USP7: variants seen among roughly 807,000 people sequenced by gnomAD.
USP7 encodes the protein ubiquitin C-terminal hydrolase 7.
A neutral mutation model predicts 162.9 loss-of-function variants in USP7; 9 were observed. The observed-to-expected ratio is 0.06, with a 90% CI of 0.03 to 0.10. USP7 has a LOEUF of 0.10. Among genes scored for constraint, USP7 ranks in the 10% least tolerant of loss-of-function variants. The pLI, the probability that USP7 is intolerant of heterozygous loss-of-function variation, is 1.00. For synonymous variants in USP7, 562 were observed against 475.9 expected, an observed-to-expected ratio of 1.18 and a Z score of -2.35; for missense variants, 715 against 1,373.7, an observed-to-expected ratio of 0.52 and a Z score of 7.58.
At position 8,904,582 on chromosome 16, in the gene USP7, T is replaced by A. The variant is rs758874521; in HGVS notation, c.1574-17A>T. ...AAACTTCACCTGCAGGACAAAGGCA[T>A]CCTCTTTGACCCCTGCAGATGGACT... On this transcript the variant is annotated splice_polypyrimidine_tract_variant and intron_variant, in intron 14 of 30. Transcript: ENST00000344836. 2.1e-5 allele frequency: 34 copies of A among 1,613,096 alleles called. No individual in the cohort carries two copies. In the Admixed American group the frequency reaches 2.5e-4, roughly 12 times the overall value.
Position 8,905,175 on chromosome 16 carries a change from A to C in USP7, c.1573+12T>G, listed in dbSNP as rs780607227. 1 of 1,612,782 alleles carries C rather than the reference A, an allele frequency of 6.2e-7. No homozygotes were observed. The highest frequency in any genetic ancestry group is 8.5e-7 in the Non-Finnish European group (1 of 1,178,758). Reference sequence around the variant, plus strand: ...CACAGTAAAGAACAGAACAAAAGTGAACACTACTCACTCAGTTTTGATTCC... The same window carrying C: ...CACAGTAAAGAACAGAACAAAAGTGCACACTACTCACTCAGTTTTGATTCC... On this transcript the variant is annotated intron_variant, in intron 14 of 30. Coordinates refer to ENST00000344836, the MANE Select transcript of USP7 (RefSeq NM_003470.3).
At chr16:8,926,788 G>A (rs533073508) in intron 2 of USP7, among the ~76,000 whole-genome samples, 1 of 152,306 alleles carries the variant, frequency 6.6e-6, no homozygotes, top group African/African-American at 2.4e-5. Flanking sequence ...ATTACCGCAT[G>A]CTTCTTTTTA....
intron 1 of USP7, among the ~76,000 whole-genome samples, chr16:8,959,367 A>C (rs1403636041): frequency 6.6e-6 from 1 of 152,082 alleles, no homozygotes; most frequent in Non-Finnish European, 1.5e-5. Context: ...AAAAAAAAAA[A>C]AAAGGATACC....
intron 4 of USP7, 30 bp downstream of exon 4, chr16:8,921,127 A>G (rs1168747171): frequency 1.2e-6 from 2 of 1,609,290 alleles, no homozygotes; most frequent in African/African-American, 2.7e-5. Context: ...TAATGCACCA[A>G]TTGTTCAGAC....
At chr16:8,903,825 C>T (rs1405764752) in intron 15 of USP7, among the ~76,000 whole-genome samples, 2 of 150,900 alleles carry the variant, frequency 1.3e-5, no homozygotes. Flanking sequence ...AGAGATCGCG[C>T]CACTGCACTC....
At chr16:8,898,973 T>C (rs2061731875) in intron 23 of USP7, 148 bp downstream of exon 23, 2 of 837,824 alleles carry the variant, frequency 2.4e-6, no homozygotes, top group African/African-American at 1.7e-5. Flanking sequence ...GTGGTCAAGA[T>C]GTGAGTGGTG....
Position 8,896,984 on chromosome 16 carries a change from T to TC in USP7, c.2819+14dup. 1 of 1,605,902 alleles carries TC rather than the reference T, an allele frequency of 6.2e-7. No homozygotes were observed. On this transcript the variant is annotated intron_variant, in intron 26 of 30. Coordinates refer to ENST00000344836, the MANE Select transcript of USP7 (RefSeq NM_003470.3). ...CCTAACTGAACGTCCACAATTGGGC[T>TC]CAAGAAATACTTGCCTAAGTTTCCC...
chr16:8,897,726 A>ATAT (rs61280114), intron 25 of USP7, among the ~76,000 whole-genome samples: 2 of 7,134 alleles, frequency 2.8e-4, no homozygotes, highest in Non-Finnish European at 4.7e-4. Flanking sequence ...AAAAAAAAAA[A>ATAT]ATATATATAT....
chr16:8,917,220 A>G, intron 6 of USP7, 64 bp from the exon 7 acceptor site: 1 of 1,523,650 alleles, frequency 6.6e-7, no homozygotes, highest in Non-Finnish European at 8.8e-7. Context: ...AAAAAACAGT[A>G]AGAATTTAAT....
chr16:8,897,698 CAAAAA>C lies in USP7; in HGVS notation c.2719-604_2719-600del, dbSNP rs55635828. ...GCAATATAGTGAGACCCTGTCTCTA[CAAAAA>C]AAAAAAAAAAAAAAAAAAAAAAAAT... On this transcript the variant is annotated intron_variant, in intron 25 of 30. Transcript: ENST00000344836. Among the ~76,000 whole-genome samples the C allele has an allele frequency of 1.5e-3, 52 of 35,600 alleles. 6 individuals carry two copies. The highest frequency in any genetic ancestry group is 5.2e-3 in the South Asian group (3 of 582). The allele number at this position is 35,600 out of a possible 152,430, so 23.4% of individuals were successfully genotyped here.
chr16:8,937,260 C>A (rs1368541642), intron 1 of USP7, among the ~76,000 whole-genome samples: 1 of 151,970 alleles, frequency 6.6e-6, no homozygotes, highest in Non-Finnish European at 1.5e-5. Context: ...GACAAGCAAT[C>A]TGGGCCAGGC....
At chr16:8,924,487 G>A (rs767305810) in intron 2 of USP7, among the ~76,000 whole-genome samples, 3 of 152,190 alleles carry the variant, frequency 2.0e-5, no homozygotes, top group Non-Finnish European at 4.4e-5. Context: ...GGCTGTTCCC[G>A]GCTTAGAATC....
intron 27 of USP7, among the ~76,000 whole-genome samples, chr16:8,895,436 G>A (rs932095518): frequency 2.0e-5 from 3 of 152,190 alleles, no homozygotes; most frequent in African/African-American, 4.8e-5. Context: ...GTGATCCACA[G>A]TTTCTGTCTG....
chr16:8,893,878 TA>T lies in USP7; in HGVS notation c.*119del. The stretch of plus-strand genomic sequence containing the variant: ...CTGAACAGCCTCAATAAAATAAAAT[TA>T]ACACCAGCAGCGAATCCTCTTGCTG... On this transcript the variant is annotated 3_prime_UTR_variant, in exon 31 of 31. Transcript: ENST00000344836. The T allele has an allele frequency of 2.4e-6, 2 of 847,232 alleles. No homozygotes were observed. Among genetic ancestry groups the T allele is most frequent in the Non-Finnish European group, 3.9e-6 (2 of 511,634 alleles). 52.5% of individuals were successfully genotyped at this position (847,232 alleles called of 1,614,324 possible).
rs558833118 is a variant in USP7 at position 8,922,009 on chromosome 16, G to A, written c.384-714C>T. ...CCCACAGCACTTCCTGCTTGCTCGG[G>A]ACGCTGACACTGGGTATGGACCATT... On this transcript the variant is annotated intron_variant, in intron 3 of 30. Coordinates refer to ENST00000344836, the MANE Select transcript of USP7 (RefSeq NM_003470.3). Among the ~76,000 whole-genome samples, 147 of 152,306 alleles carry A rather than the reference G, an allele frequency of 9.7e-4. 1 individual carries two copies. The highest frequency in any genetic ancestry group is 3.4e-3 in the Middle Eastern group (1 of 294).
At chr16:8,913,575 T>A (rs536260200) in intron 10 of USP7, among the ~76,000 whole-genome samples, 1 of 152,072 alleles carries the variant, frequency 6.6e-6, no homozygotes, top group African/African-American at 2.4e-5. Flanking sequence ...AAAATGTCTT[T>A]CACAACTGCA....
At chr16:8,929,530 GC>G (rs1898198515) in intron 2 of USP7, 1 of 455,844 alleles carries the variant, frequency 2.2e-6, no homozygotes, top group South Asian at 1.5e-5. Flanking sequence ...TCTTTCAACT[GC>G]CCCGTTACTC....
chr16:8,959,635 ACT>A (rs1462758582), intron 1 of USP7, among the ~76,000 whole-genome samples: 5 of 152,164 alleles, frequency 3.3e-5, no homozygotes, highest in Admixed American at 2.6e-4. Flanking sequence ...GAAAATCAAC[ACT>A]CTCGAATTAT....
intron 2 of USP7, 48 bp from the exon 3 acceptor site, chr16:8,923,461 A>T (rs1207471492): frequency 2.5e-6 from 4 of 1,591,244 alleles, no homozygotes; most frequent in Non-Finnish European, 3.4e-6. Flanking sequence ...CATTGACCAA[A>T]AGCACTAGCA....
Sources: allele counts gnomAD v4.1 joint callset (sites outside exome capture counted in the v4.1 genomes callset), GRCh38; gene constraint gnomAD v4.1.1; transcripts MANE v1.5; gene names NCBI Gene and HGNC (gene_info 2026-07-23, HGNC 2026-07-21).